The following PRDM16 variants were observed in gnomAD, a reference collection of about 807,000 sequenced individuals.
The protein encoded by PRDM16 is PR/SET domain 16.
Under a neutral mutation model 110.6 loss-of-function variants are expected in PRDM16, and 23 were observed. The observed-to-expected ratio is 0.21, with a 90% CI of 0.15 to 0.29. PRDM16 has a LOEUF of 0.29. Ranked by LOEUF, PRDM16 falls within the 10% of genes least tolerant of loss-of-function variation. The probability of loss-of-function intolerance (pLI) is 1.00; values close to 1 mark genes in which losing one functional copy is unlikely to be tolerated. For synonymous variants in PRDM16, 799 were observed against 781.8 expected, an observed-to-expected ratio of 1.02 and a Z score of -0.37; for missense variants, 1,615 against 1,794.3, an observed-to-expected ratio of 0.90 and a Z score of 1.81.
intron 9 of PRDM16, among the ~76,000 whole-genome samples, 192 bp from the exon 10 acceptor site, chr1:3,414,368 G>T (rs1643744331): frequency 6.6e-6 from 1 of 152,134 alleles, no homozygotes; most frequent in Non-Finnish European, 1.5e-5. Flanking sequence ...GGTGCAGGTG[G>T]GCTGGGCTCC....
chr1:3,419,421 C>G (rs1638369163), intron 12 of PRDM16, among the ~76,000 whole-genome samples: 1 of 152,332 alleles, frequency 6.6e-6, no homozygotes, highest in East Asian at 1.9e-4. Flanking sequence ...AGCCTCCCAA[C>G]AGGCTTGTCA....
At chr1:3,310,648 G>A (rs1275138955) in intron 3 of PRDM16, among the ~76,000 whole-genome samples, 4 of 152,200 alleles carry the variant, frequency 2.6e-5, no homozygotes, top group Non-Finnish European at 5.9e-5. Context: ...CTCAACCAGG[G>A]CCTCCTCTGG....
chr1:3,411,692 C>T lies in PRDM16; in HGVS notation c.1495C>T (p.Pro499Ser), dbSNP rs1553176454. ...CTCCAGGCCGCACCCGGGGAGCCTG[C>T]CCTTCTCCACGGCGCCTCCCACGTT... Reference protein sequence around the residue: ...FPSRPHPGSLPFSTAPPTFPA... With the variant: ...FPSRPHPGSLSFSTAPPTFPA... The change falls in exon 9 of 17, where the codon CCC becomes TCC. Residue 499 changes from proline (P) to serine (S), a missense_variant. Physicochemically the swap from Pro to Ser is moderately conservative, Grantham distance 74. Around this residue, in one of 5 missense-constraint regions of PRDM16, gnomAD observed 772 missense variants for 748.3 expected, o/e 1.03. Transcript: ENST00000270722. 4 of 1,610,284 alleles carry T rather than the reference C, an allele frequency of 2.5e-6. No homozygotes were observed. In the South Asian group the frequency reaches 3.3e-5, roughly 13 times the overall value.
chr1:3,095,519 C>T lies in PRDM16; in HGVS notation c.37+26223C>T, dbSNP rs114550785. On this transcript the variant is annotated intron_variant, in intron 1 of 16. Coordinates refer to ENST00000270722, the MANE Select transcript of PRDM16 (RefSeq NM_022114.4). ...GTGTCCCGGGGCAGCCCAAGCACTG[C>T]GTGGTGCCTCATGGGGGGCCGGGCT... Among the ~76,000 whole-genome samples the T allele has an allele frequency of 8.3e-3, 1,269 of 152,270 alleles. 19 individuals are homozygous for T. The highest frequency in any genetic ancestry group is 0.029 in the African/African-American group (1,196 of 41,554).
intron 4 of PRDM16, among the ~76,000 whole-genome samples, chr1:3,391,008 T>C (rs1361347256): frequency 6.6e-6 from 1 of 152,130 alleles, no homozygotes; most frequent in Admixed American, 6.5e-5. Context: ...GCTTATTTTG[T>C]ATTTTTTAGT....
chr1:3,100,752 G>C (rs1457240410), intron 1 of PRDM16, among the ~76,000 whole-genome samples: 1 of 152,134 alleles, frequency 6.6e-6, no homozygotes, highest in Non-Finnish European at 1.5e-5. Context: ...TGGGTCCTGT[G>C]GGGTGGAATG....
chr1:3,182,745 C>T (rs965196027), intron 1 of PRDM16, among the ~76,000 whole-genome samples: 2 of 152,192 alleles, frequency 1.3e-5, no homozygotes, highest in Non-Finnish European at 2.9e-5. Context: ...AAATGACGAT[C>T]GCTCATACGT....
At chr1:3,200,487 C>T (rs540210077) in intron 2 of PRDM16, among the ~76,000 whole-genome samples, 56 of 152,300 alleles carry the variant, frequency 3.7e-4, no homozygotes, top group African/African-American at 6.0e-4. Flanking sequence ...GGACTACAGG[C>T]GCCCGCCACC....
At chr1:3,181,211 TACACACGCAGTCTTACACACGGTCTTAC>T (rs1557508332) in intron 1 of PRDM16, among the ~76,000 whole-genome samples, 5 of 128,808 alleles carry the variant, frequency 3.9e-5, no homozygotes, top group Admixed American at 3.2e-4. Context: ...CACACGGTCT[TACACACGCAGTCTTACACACGGTCTTAC>T]ACACAGTCTT....
intron 5 of PRDM16, among the ~76,000 whole-genome samples, chr1:3,401,145 G>A (rs1050322105): frequency 4.6e-5 from 7 of 152,194 alleles, no homozygotes; most frequent in African/African-American, 1.4e-4. Context: ...TAGGCTCAGG[G>A]AAGCTTCCAG....
chr1:3,420,457 G>A (rs1169003661), intron 12 of PRDM16, among the ~76,000 whole-genome samples: 1 of 152,256 alleles, frequency 6.6e-6, no homozygotes, highest in Admixed American at 6.5e-5. Context: ...GCCCTGGAGA[G>A]GTCGGGCTGA....
rs556832716 is a variant in PRDM16, at chr1:3,350,590, G to A, written c.439-34562G>A. Among the ~76,000 whole-genome samples, 11 of 152,264 alleles carry A rather than the reference G, an allele frequency of 7.2e-5. No homozygotes were observed. Among genetic ancestry groups the A allele is most frequent in the Admixed American group, 4.6e-4 (7 of 15,310 alleles). Reference sequence around the variant, plus strand: ...CAGGGTGGCAGGCAGCTGTGGGCGGGTGGAAAGCAGAGCTGGGAGCCAGCC... The same window carrying A: ...CAGGGTGGCAGGCAGCTGTGGGCGGATGGAAAGCAGAGCTGGGAGCCAGCC... On this transcript the variant is annotated intron_variant, in intron 3 of 16. Coordinates refer to ENST00000270722, the MANE Select transcript of PRDM16 (RefSeq NM_022114.4). The surrounding 1 kb of genome is among the most constrained non-coding windows in gnomAD (Gnocchi z 7.1).
rs2100552612 is a variant in PRDM16 at position 3,358,069 on chromosome 1, G to A, written c.439-27083G>A. On this transcript the variant is annotated intron_variant, in intron 3 of 16. Transcript: ENST00000270722. This position sits in a 1 kb window ranked among gnomAD's most constrained non-coding sequence, Gnocchi z 4.0. ...CTGAAGGAGGCTGCCCTGGCTAACGGCGGTGCCCAGTGGCCTGGCCTCACG... is the reference window on the plus strand; with the variant it reads ...CTGAAGGAGGCTGCCCTGGCTAACGACGGTGCCCAGTGGCCTGGCCTCACG... Among the ~76,000 whole-genome samples, 1 of 152,340 alleles carries A rather than the reference G, an allele frequency of 6.6e-6. No individual in the cohort carries two copies. The highest frequency in any genetic ancestry group is 1.9e-4 in the East Asian group (1 of 5,174).
At chr1:3,432,273 C>T (rs1638789816) in intron 16 of PRDM16, 133 bp downstream of exon 16, 2 of 701,558 alleles carry the variant, frequency 2.9e-6, no homozygotes, top group Non-Finnish European at 4.8e-6. Flanking sequence ...CACGCTGCAT[C>T]CTCCAGAGAG....
At chr1:3,377,028 C>T (rs1435266111) in intron 3 of PRDM16, among the ~76,000 whole-genome samples, 1 of 152,258 alleles carries the variant, frequency 6.6e-6, no homozygotes, top group East Asian at 1.9e-4. Flanking sequence ...AATGGGCTTT[C>T]TGTTTCGGCT....
chr1:3,284,212 C>T (rs919022650), intron 3 of PRDM16, among the ~76,000 whole-genome samples: 3 of 152,198 alleles, frequency 2.0e-5, no homozygotes, highest in African/African-American at 7.2e-5. Context: ...AAAGGCAAAC[C>T]GACATTAAGC....
chr1:3,380,513 G>A (rs1643084038), intron 3 of PRDM16, among the ~76,000 whole-genome samples: 2 of 152,152 alleles, frequency 1.3e-5, no homozygotes, highest in African/African-American at 4.8e-5. Context: ...AGCAAAGCCT[G>A]AGCGTGTACT....
chr1:3,342,088 A>T (rs544116026), intron 3 of PRDM16, among the ~76,000 whole-genome samples: 12 of 152,306 alleles, frequency 7.9e-5, no homozygotes. Context: ...TGAGGCAGCT[A>T]GGGAAACCCA....
At chr1:3,212,639 C>T (rs181761191) in intron 2 of PRDM16, among the ~76,000 whole-genome samples, 18 of 148,648 alleles carry the variant, frequency 1.2e-4, no homozygotes, top group Admixed American at 2.0e-4. Flanking sequence ...CTCATCCTCC[C>T]GGCCCCCTCG....
Sources: allele counts gnomAD v4.1 joint callset (sites outside exome capture counted in the v4.1 genomes callset), GRCh38; gene constraint gnomAD v4.1.1; regional missense constraint gnomAD v4.1.1; non-coding constraint Gnocchi (gnomAD v3.1); transcripts MANE v1.5; gene names NCBI Gene and HGNC (gene_info 2026-07-23, HGNC 2026-07-21).